Variants in NR0B2 observed in about 807,000 individuals in gnomAD.
NR0B2 encodes the protein nuclear receptor SHP.
Under a neutral mutation model 18.9 loss-of-function variants are expected in NR0B2, and 17 were observed. The observed-to-expected ratio is 0.90, with a 90% CI of 0.62 to 1.35. The LOEUF is 1.35. Ranked by LOEUF, NR0B2 falls within the 40% of genes most tolerant of loss-of-function variation. NR0B2 has a pLI of 0.00. For missense variants in NR0B2, 312 were observed against 333.3 expected, an observed-to-expected ratio of 0.94 and a Z score of 0.50; for synonymous variants, 116 against 138.5, an observed-to-expected ratio of 0.84 and a Z score of 1.14.
At chr1:26,912,650 G>A (rs766382977) in intron 1 of NR0B2, among the ~76,000 whole-genome samples, 2 of 152,112 alleles carry the variant, frequency 1.3e-5, no homozygotes, top group African/African-American at 2.4e-5. Flanking sequence ...CCGCTCTCCT[G>A]GCCGAATTCC....
chr1:26,912,908 G>T (rs1022241629), intron 1 of NR0B2, among the ~76,000 whole-genome samples: 1 of 152,192 alleles, frequency 6.6e-6, no homozygotes, highest in African/African-American at 2.4e-5. Context: ...TTGCCATCCT[G>T]GTCTGTCCCT....
At position 26,911,710 on chromosome 1, in the gene NR0B2, G is replaced by T; in HGVS notation, c.*135C>A. On this transcript the variant is annotated 3_prime_UTR_variant, in exon 2 of 2. Transcript: ENST00000254227. ...AATGTGGGGTGTGGCTGAGTGAAGA[G>T]CTGTTCCTAAGGAGCCAAGTGCTGT... 1 of 991,260 alleles carries T rather than the reference G, an allele frequency of 1.0e-6. No individual in the cohort carries two copies. The highest frequency in any genetic ancestry group is 1.6e-6 in the Non-Finnish European group (1 of 635,752). The allele number at this position is 991,260 out of a possible 1,614,324, so 61.4% of individuals were successfully genotyped here. A position where few individuals can be genotyped will look rare whatever the true frequency, so the allele number is the denominator to read the frequency against.
chr1:26,912,155 C>T, intron 1 of NR0B2, 69 bp from the exon 2 acceptor site: 7 of 1,593,180 alleles, frequency 4.4e-6, no homozygotes, highest in East Asian at 2.3e-5. Context: ...CAAGACTGGC[C>T]CAAGATCTGG....
At position 26,911,876 on chromosome 1, in the gene NR0B2, C is replaced by A; in HGVS notation, c.743G>T (p.Gly248Val). The A allele has an allele frequency of 6.2e-7, 1 of 1,614,174 alleles. No individual in the cohort carries two copies. The highest frequency in any genetic ancestry group is 2.2e-5 in the East Asian group (1 of 44,874). ...RPIIGDVDIA[G>V]LLGDMLLLR Reference sequence around the variant, plus strand: ...GAGCAAAAGCATGTCCCCAAGAAGGCCAGCGATGTCAACATCTCCAATGAT... The same window carrying A: ...GAGCAAAAGCATGTCCCCAAGAAGGACAGCGATGTCAACATCTCCAATGAT... The change falls in exon 2 of 2, where the codon GGC becomes GTC. Residue 248 changes from glycine (G) to valine (V), a missense_variant. Gly to Val is a moderately radical substitution (Grantham distance 109). Transcript: ENST00000254227.
In NR0B2 at chr1:26,911,936, G is replaced by T. The variant is rs746783997; in HGVS notation, c.683C>A (p.Pro228Gln). 7 of 1,614,230 alleles carry T rather than the reference G, an allele frequency of 4.3e-6. No homozygotes were observed. Among genetic ancestry groups the T allele is most frequent in the Non-Finnish European group, 5.9e-6 (7 of 1,180,040 alleles). ...LLTASTLKSI[P>Q]TSLLGDLFFR... Reference sequence around the variant, plus strand: ...GAAGAGGTCCCCAAGCAGGCTGGTCGGAATGGACTTGAGGGTGGAGGCCGT... The same window carrying T: ...GAAGAGGTCCCCAAGCAGGCTGGTCTGAATGGACTTGAGGGTGGAGGCCGT... The change falls in exon 2 of 2, where the codon CCG (proline) becomes CAG (glutamine). Residue 228 changes from proline (P) to glutamine (Q), a missense_variant. Pro to Gln is a moderately conservative substitution (Grantham distance 76). Transcript: ENST00000254227.
chr1:26,913,545 A>G lies in NR0B2; in HGVS notation c.396T>C (p.Ser132=). 6.2e-7 allele frequency: 1 copy of G among 1,613,978 alleles called. No individual in the cohort carries two copies. Among genetic ancestry groups the G allele is most frequent in the Non-Finnish European group, 8.5e-7 (1 of 1,179,904 alleles). Residue 132 remains serine (S), a synonymous_variant, in exon 1 of 2, where the codon AGT becomes AGC. Coordinates refer to ENST00000254227, the MANE Select transcript of NR0B2 (RefSeq NM_021969.3). The part of the protein sequence containing the change: ...LLEEPSSSGG[S]GQLPDRPQPS... ...GCTGGGGTCTGTCTGGCAGTTGGCCACTGCCTCCACTGCTGCTGGGCTCCT... is the reference window on the plus strand; with the variant it reads ...GCTGGGGTCTGTCTGGCAGTTGGCCGCTGCCTCCACTGCTGCTGGGCTCCT...
chr1:26,913,720 G>T lies in NR0B2; in HGVS notation c.221C>A (p.Pro74Gln), dbSNP rs777705493. Residue 74 changes from proline (P) to glutamine (Q), a missense_variant, in exon 1 of 2, where the codon CCA (proline) becomes CAA (glutamine). Physicochemically the swap from Pro to Gln is moderately conservative, Grantham distance 76. Transcript: ENST00000254227. The stretch of plus-strand genomic sequence containing the variant: ...CTGGGGAGGCAGCTGCCAGAAGGAT[G>T]GCAGGTTCCTGAGGAAGGCCACTGT... Reference protein sequence around the residue: ...AKTVAFLRNLPSFWQLPPQDQ... With the variant: ...AKTVAFLRNLQSFWQLPPQDQ... 1 of 1,607,866 alleles carries T rather than the reference G, an allele frequency of 6.2e-7. No individual in the cohort carries two copies. Among genetic ancestry groups the T allele is most frequent in the African/African-American group, 1.3e-5 (1 of 74,788 alleles).
At position 26,913,957 on chromosome 1, in the gene NR0B2, T is replaced by A; in HGVS notation, c.-17A>T. 4 of 1,450,208 alleles carry A rather than the reference T, an allele frequency of 2.8e-6. No individual in the cohort carries two copies. The highest frequency in any genetic ancestry group is 2.3e-5 in the East Asian group (1 of 42,572). The allele number at this position is 1,450,208 out of a possible 1,614,324, so 89.8% of individuals were successfully genotyped here. A position where few individuals can be genotyped will look rare whatever the true frequency, so the allele number is the denominator to read the frequency against. On this transcript the variant is annotated 5_prime_UTR_variant, in exon 1 of 2. Coordinates refer to ENST00000254227, the MANE Select transcript of NR0B2 (RefSeq NM_021969.3). ...GGTGCTCATGGTTAGGGATCTGCTC[T>A]CACTTCCAGCTCTCTGGCTCTGTGT...
In NR0B2 at chr1:26,913,744, G is replaced by C; in HGVS notation, c.197C>G (p.Thr66Arg). The change falls in exon 1 of 2, where the codon ACA becomes AGA. Residue 66 changes from threonine to arginine, a missense_variant. Coordinates refer to ENST00000254227, the MANE Select transcript of NR0B2 (RefSeq NM_021969.3). ...TGGCAGGTTCCTGAGGAAGGCCACT[G>C]TCTTGGCCAGAACATCCAAGGCCTC... ...CREALDVLAK[T>R]VAFLRNLPSF... The C allele has an allele frequency of 6.3e-7, 1 of 1,594,782 alleles. No individual in the cohort carries two copies. The highest frequency in any genetic ancestry group is 8.6e-7 in the Non-Finnish European group (1 of 1,168,274).
In NR0B2 at chr1:26,911,757, AG is replaced by A. The variant is rs1358176367; in HGVS notation, c.*87del. 107 of 1,532,580 alleles carry A rather than the reference AG, an allele frequency of 7.0e-5. No individual in the cohort carries two copies. The highest frequency in any genetic ancestry group is 3.0e-5 in the Non-Finnish European group (33 of 1,110,254). 94.9% of individuals were successfully genotyped at this position (1,532,580 alleles called of 1,614,324 possible). On this transcript the variant is annotated 3_prime_UTR_variant, in exon 2 of 2. Coordinates refer to ENST00000254227, the MANE Select transcript of NR0B2 (RefSeq NM_021969.3). ...CTGTCTATACAGGCTTGCCCCCTCC[AG>A]GAGCATTGGGTCACCTCTGGGGATG... is the stretch of plus-strand genomic sequence containing the variant.
Position 26,913,936 on chromosome 1 carries a change from C to T in NR0B2, c.5G>A (p.Ser2Asn). The change falls in exon 1 of 2, where the codon AGC becomes AAC. Residue 2 changes from serine (S) to asparagine (N), a missense_variant. By Grantham distance (46) the Ser-to-Asn change is conservative. Coordinates refer to ENST00000254227, the MANE Select transcript of NR0B2 (RefSeq NM_021969.3). ...TGGGCAGGCCCCTGGTTGGCTGGTG[C>T]TCATGGTTAGGGATCTGCTCTCACT... is the stretch of plus-strand genomic sequence containing the variant. The part of the protein sequence containing the change: M[S>N]TSQPGACPCQ... The T allele has an allele frequency of 2.0e-6, 3 of 1,475,024 alleles. No individual in the cohort carries two copies. Among genetic ancestry groups the T allele is most frequent in the Non-Finnish European group, 2.7e-6 (3 of 1,110,834 alleles). 91.4% of individuals were successfully genotyped at this position (1,475,024 alleles called of 1,614,324 possible).
rs771150341 is a variant in NR0B2 at position 26,913,594 on chromosome 1, C to T, written c.347G>A (p.Ser116Asn). 10 of 1,614,066 alleles carry T rather than the reference C, an allele frequency of 6.2e-6. No homozygotes were observed. Among genetic ancestry groups the T allele is most frequent in the Non-Finnish European group, 8.5e-6 (10 of 1,179,982 alleles). The stretch of plus-strand genomic sequence containing the variant: ...CTCCAGCAGAATCTTCTTGAGTATG[C>T]TGGGCACCGGGGCCTCAGCCACCTC... ...TFEVAEAPVP[S>N]ILKKILLEEP... The change falls in exon 1 of 2, where the codon AGC becomes AAC. Residue 116 changes from serine to asparagine, a missense_variant. Transcript: ENST00000254227.
rs151014108 is a variant in NR0B2 at position 26,913,468 on chromosome 1, C to T, written c.473G>A (p.Ser158Asn). 1,146 of 1,614,106 alleles carry T rather than the reference C, an allele frequency of 7.1e-4. 7 individuals carry two copies. The African/African-American group carries it at 0.013, about 18-fold the overall frequency. The change falls in exon 1 of 2, where the codon AGC becomes AAC. Residue 158 changes from serine to asparagine, a missense_variant. Transcript: ENST00000254227. ...ATATTCCTTGGGGCTAAGCTCCAGG[C>T]TCCAGAAGGACTCCAGACAGCATTG... ...WLQCCLESFWSLELSPKEYAC... is the reference protein window; with the variant it reads ...WLQCCLESFWNLELSPKEYAC...
At position 26,912,164 on chromosome 1, in the gene NR0B2, G is replaced by C. The variant is rs1465104885; in HGVS notation, c.533-78C>G. ...AAAGGACAAGACTGGCCCAAGATCTGGGCCATCAGAGACACCCCTCTGCCT... is the reference window on the plus strand; with the variant it reads ...AAAGGACAAGACTGGCCCAAGATCTCGGCCATCAGAGACACCCCTCTGCCT... On this transcript the variant is annotated intron_variant, in intron 1 of 1. Transcript: ENST00000254227. The C allele has an allele frequency of 3.8e-6, 6 of 1,575,198 alleles. No homozygotes were observed. In the Admixed American group the frequency reaches 1.1e-4, roughly 29 times the overall value.
At position 26,912,033 on chromosome 1, in the gene NR0B2, G is replaced by T; in HGVS notation, c.586C>A (p.His196Asn). The T allele has an allele frequency of 6.2e-7, 1 of 1,614,176 alleles. No homozygotes were observed. The highest frequency in any genetic ancestry group is 8.5e-7 in the Non-Finnish European group (1 of 1,180,040). ...SHIGHLQQEA[H>N]WVLCEVLEPW... ...TCCAGGACTTCACACAGCACCCAGT[G>T]AGCCTCCTGCTGCAGGTGCCCAATG... is the stretch of plus-strand genomic sequence containing the variant. Residue 196 changes from histidine (H) to asparagine (N), a missense_variant, in exon 2 of 2, where the codon CAC becomes AAC. By Grantham distance (68) the His-to-Asn change is moderately conservative (BLOSUM62 1). Transcript: ENST00000254227.
In NR0B2 at chr1:26,913,791, A is replaced by C. The variant is rs755060452; in HGVS notation, c.150T>G (p.Cys50Trp). 2 of 1,539,678 alleles carry C rather than the reference A, an allele frequency of 1.3e-6. No individual in the cohort carries two copies. The highest frequency in any genetic ancestry group is 2.0e-5 in the Admixed American group (1 of 49,856). Residue 50 changes from cysteine (C) to tryptophan (W), a missense_variant, in exon 1 of 2, where the codon TGT becomes TGG. Cys to Trp is a radical substitution (Grantham distance 215, BLOSUM62 -2). Coordinates refer to ENST00000254227, the MANE Select transcript of NR0B2 (RefSeq NM_021969.3). ...CCTCCCGGCAGGTGCGATGAGGTGC[A>C]CATAGCTGGACGGGCCGGTGCTGCC... ...LCRQHRPVQLCAPHRTCREAL... is the reference protein window; with the variant it reads ...LCRQHRPVQLWAPHRTCREAL...
rs966234344 is a variant in NR0B2, at chr1:26,911,787, A to G, written c.*58T>C. 9.9e-6 allele frequency: 16 copies of G among 1,612,160 alleles called. No individual in the cohort carries two copies. In the Admixed American group the frequency reaches 1.0e-4, roughly 10 times the overall value. ...CATTGGGTCACCTCTGGGGATGGCC[A>G]GGCTGAATCAGCACTGCCAGCCTCT... On this transcript the variant is annotated 3_prime_UTR_variant, in exon 2 of 2. Transcript: ENST00000254227.
At chr1:26,913,211 C>A (rs1371240541) in intron 1 of NR0B2, among the ~76,000 whole-genome samples, 198 bp downstream of exon 1, 1 of 152,092 alleles carries the variant, frequency 6.6e-6, no homozygotes, top group Non-Finnish European at 1.5e-5. Context: ...TGCTTGAACC[C>A]AGGAGGCAGA....
Position 26,911,491 on chromosome 1 carries a change from G to A in NR0B2, c.*354C>T. 2.9e-6 allele frequency: 1 copy of A among 350,312 alleles called. No individual in the cohort carries two copies. The highest frequency in any genetic ancestry group is 2.3e-5 in the South Asian group (1 of 43,614). The allele number at this position is 350,312 out of a possible 1,614,324, so 21.7% of individuals were successfully genotyped here. A position where few individuals can be genotyped will look rare whatever the true frequency, so the allele number is the denominator to read the frequency against. Reference sequence around the variant, plus strand: ...CAAATGACAGTATCAGGCTCCAAGTGTTTCATACCTTTTATTACAAAAATC... The same window carrying A: ...CAAATGACAGTATCAGGCTCCAAGTATTTCATACCTTTTATTACAAAAATC... On this transcript the variant is annotated 3_prime_UTR_variant, in exon 2 of 2. Coordinates refer to ENST00000254227, the MANE Select transcript of NR0B2 (RefSeq NM_021969.3).
Sources: allele counts gnomAD v4.1 joint callset (sites outside exome capture counted in the v4.1 genomes callset), GRCh38; gene constraint gnomAD v4.1.1; transcripts MANE v1.5; gene names NCBI Gene and HGNC (gene_info 2026-07-23, HGNC 2026-07-21).